Variants in HBP1 observed in about 807,000 individuals in gnomAD.
HBP1 encodes HMG-box transcription factor 1.
A neutral mutation model predicts 62.6 loss-of-function variants in HBP1; 20 were observed. That is an observed-to-expected ratio of 0.32 (90% CI 0.22 to 0.46). The LOEUF (loss-of-function observed/expected upper bound fraction) is 0.46, where lower values mean the gene tolerates loss of function less well. HBP1 is among the 20% of genes least tolerant of loss of function. The pLI, the probability that HBP1 is intolerant of heterozygous loss-of-function variation, is 1.00. For synonymous variants in HBP1, 232 were observed against 206.2 expected (o/e 1.12, Z -1.07); for missense variants, 480 against 611.8 (o/e 0.78, Z 2.27).
In HBP1 at chr7:107,169,028, G is replaced by A. The variant is rs1350768196; in HGVS notation, c.-173G>A. On this transcript the variant is annotated 5_prime_UTR_variant, in exon 1 of 11. Coordinates refer to ENST00000222574, the MANE Select transcript of HBP1 (RefSeq NM_012257.4). ...AGACTTGGTAATGGCGACGGGTTTGGTAAGTAGGAAAGTTTCGGTTGAGGA... is the reference window on the plus strand; with the variant it reads ...AGACTTGGTAATGGCGACGGGTTTGATAAGTAGGAAAGTTTCGGTTGAGGA... The A allele has an allele frequency of 1.6e-6, 2 of 1,289,128 alleles. No individual in the cohort carries two copies. Among genetic ancestry groups the A allele is most frequent in the Admixed American group, 4.6e-5 (2 of 43,482 alleles). The allele number at this position is 1,289,128 out of a possible 1,614,324, so 79.9% of individuals were successfully genotyped here.
intron 1 of HBP1, 29 bp downstream of exon 1, chr7:107,169,214 T>TG (rs1796423802): frequency 4.2e-5 from 1 of 23,992 alleles, no homozygotes; most frequent in Non-Finnish European, 5.3e-5. Flanking sequence ...AGGGAAGAGG[T>TG]GGGGGTGGGG....
chr7:107,174,514 C>T (rs1461120024), intron 1 of HBP1: 3 of 984,790 alleles, frequency 3.0e-6, no homozygotes, highest in Admixed American at 6.2e-5. Flanking sequence ...TGCAAAGAGA[C>T]GTTAGTGTAC....
In HBP1 at chr7:107,189,364, T is replaced by G. The variant is rs200723356; in HGVS notation, c.838T>G (p.Leu280Val). 1.7e-5 allele frequency: 28 copies of G among 1,612,488 alleles called. No homozygotes were observed. The highest frequency in any genetic ancestry group is 2.2e-5 in the Non-Finnish European group (26 of 1,178,674). ...ATCATTTGGCGAGTCTGTACTGAAG[T>G]TGACTTTTGATCCTGGTACAGTAGA... The part of the protein sequence containing the change: ...SVSFGESVLK[L>V]TFDPGTVEDG... Residue 280 changes from leucine to valine, a missense_variant, in exon 7 of 11, where the codon TTG becomes GTG. Around this residue, in one of 4 missense-constraint regions of HBP1, gnomAD observed 304 missense variants for 330.9 expected, o/e 0.92. Transcript: ENST00000222574.
intron 9 of HBP1, among the ~76,000 whole-genome samples, chr7:107,198,900 TAAA>T (rs1164572978): frequency 1.3e-5 from 2 of 152,070 alleles, no homozygotes; most frequent in East Asian, 3.9e-4. Flanking sequence ...CTTAAAATAA[TAAA>T]TGTTTCGCAA....
chr7:107,179,785 A>C (rs1233214850), intron 1 of HBP1, 94 bp from the exon 2 acceptor site: 5 of 794,368 alleles, frequency 6.3e-6, no homozygotes, highest in Non-Finnish European at 9.9e-6. Flanking sequence ...AAAAAAACAA[A>C]ACAACATTGT....
rs777697739 is a variant in HBP1, at chr7:107,200,205, T to C, written c.1431T>C (p.Asn477=). The C allele has an allele frequency of 3.1e-6, 5 of 1,610,108 alleles. No individual in the cohort carries two copies. In the South Asian group the frequency reaches 4.4e-5, roughly 14 times the overall value. The change falls in exon 10 of 11, where the codon AAT becomes AAC. Residue 477 remains asparagine (N), a synonymous_variant. Transcript: ENST00000222574. ...GTGACAGGTGGAAGAAAATGAAGAA[T>C]GAAGAGAGAAGAATGTACACATTAG... ...ILGDRWKKMK[N]EERRMYTLEA...
At chr7:107,199,281 C>T (rs1401600937) in intron 9 of HBP1, among the ~76,000 whole-genome samples, 1 of 152,090 alleles carries the variant, frequency 6.6e-6, no homozygotes, top group Non-Finnish European at 1.5e-5. Flanking sequence ...GGGGTTTCAC[C>T]ATGTCGGCCA....
At chr7:107,184,762 G>C (rs1797276068) in intron 3 of HBP1, among the ~76,000 whole-genome samples, 1 of 152,136 alleles carries the variant, frequency 6.6e-6, no homozygotes, top group Admixed American at 6.6e-5. Context: ...CGCTTGCCTT[G>C]GCCTCCCAAA....
chr7:107,192,489 GGA>G (rs1290706720), intron 8 of HBP1: 2 of 152,078 alleles, frequency 1.3e-5, no homozygotes, highest in African/African-American at 4.8e-5. Flanking sequence ...TTAACATTCA[GGA>G]GAGTGGTTAT....
chr7:107,182,934 T>G (rs1288311567), intron 3 of HBP1, among the ~76,000 whole-genome samples: 1 of 152,228 alleles, frequency 6.6e-6, no homozygotes, highest in Non-Finnish European at 1.5e-5. Flanking sequence ...TAATCAAGAT[T>G]ATATTTTAAA....
chr7:107,187,217 C>T (rs1277488543), intron 6 of HBP1, among the ~76,000 whole-genome samples: 1 of 152,056 alleles, frequency 6.6e-6, no homozygotes, highest in Non-Finnish European at 1.5e-5. Context: ...TGCGCCACTG[C>T]ACTCTAGCCT....
rs752989307 is a variant in HBP1, at chr7:107,201,479, C to T, written c.*48C>T. On this transcript the variant is annotated 3_prime_UTR_variant, in exon 11 of 11. Transcript: ENST00000222574. The stretch of plus-strand genomic sequence containing the variant: ...GTCTATATTTGCATATACATTGACT[C>T]TTGATGGAAAGACTTAAGAAGATCA... 2.4e-6 allele frequency: 3 copies of T among 1,250,554 alleles called. No individual in the cohort carries two copies. The highest frequency in any genetic ancestry group is 3.5e-6 in the Non-Finnish European group (3 of 854,794). The allele number at this position is 1,250,554 out of a possible 1,614,324, so 77.5% of individuals were successfully genotyped here.
At chr7:107,174,953 A>C (rs1192575149) in intron 1 of HBP1, among the ~76,000 whole-genome samples, 3 of 152,176 alleles carry the variant, frequency 2.0e-5, no homozygotes, top group African/African-American at 7.2e-5. Flanking sequence ...TAAAGAACTC[A>C]CATAGTATGA....
rs1000038820 is a variant in HBP1 at position 107,201,574 on chromosome 7, A to AATAAT, written c.*146_*150dup. 64 of 473,554 alleles carry AATAAT rather than the reference A, an allele frequency of 1.4e-4. No individual in the cohort carries two copies. In the Admixed American group the frequency reaches 1.7e-3, roughly 13 times the overall value. 29.3% of individuals were successfully genotyped at this position (473,554 alleles called of 1,614,324 possible). ...ATAGCATTGAGTCTTGAAATGATTT[A>AATAAT]ATAATATGAGTGAGGATTTGCTTTC... On this transcript the variant is annotated 3_prime_UTR_variant, in exon 11 of 11. Transcript: ENST00000222574.
chr7:107,171,073 A>ATATATTTTTTTTTTTT lies in HBP1; in HGVS notation c.-16+1889_-16+1890insATATTTTTTTTTTTTT. On this transcript the variant is annotated intron_variant, in intron 1 of 10. Coordinates refer to ENST00000222574, the MANE Select transcript of HBP1 (RefSeq NM_012257.4). ...TATATATATATATATATATATATAT[A>ATATATTTTTTTTTTTT]TTTTTTTTTTTTTTTGAGAGGGAGT... Among the ~76,000 whole-genome samples, 66 of 87,190 alleles carry ATATATTTTTTTTTTTT rather than the reference A, an allele frequency of 7.6e-4. 5 individuals are homozygous for ATATATTTTTTTTTTTT. The highest frequency in any genetic ancestry group is 1.3e-3 in the Admixed American group (9 of 6,854). The allele number at this position is 87,190 out of a possible 152,430, so 57.2% of individuals were successfully genotyped here.
intron 1 of HBP1, among the ~76,000 whole-genome samples, chr7:107,173,832 G>C (rs1796716625): frequency 6.6e-6 from 1 of 152,186 alleles, no homozygotes; most frequent in African/African-American, 2.4e-5. Flanking sequence ...CATGTGCAGA[G>C]TTAACTAAAA....
chr7:107,196,054 TCTC>T lies in HBP1; in HGVS notation c.1291_1293del (p.Pro431del), dbSNP rs766911078. 15 of 1,613,478 alleles carry T rather than the reference TCTC, an allele frequency of 9.3e-6. No homozygotes were observed. The highest frequency in any genetic ancestry group is 5.5e-5 in the South Asian group (5 of 91,078). On this transcript the variant is annotated inframe_deletion, in exon 9 of 11. Coordinates refer to ENST00000222574, the MANE Select transcript of HBP1 (RefSeq NM_012257.4). The stretch of plus-strand genomic sequence containing the variant: ...CAGCTCAGGGACTGTGAGTGCCACT[TCTC>T]CTAATAAGTGCAAAAGACCAATGAA...
chr7:107,186,345 AT>A lies in HBP1; in HGVS notation c.541-15del, dbSNP rs1797374314. The A allele has an allele frequency of 1.4e-6, 2 of 1,436,964 alleles. No individual in the cohort carries two copies. Among genetic ancestry groups the A allele is most frequent in the South Asian group, 2.4e-5 (2 of 83,282 alleles). 89.0% of individuals were successfully genotyped at this position (1,436,964 alleles called of 1,614,324 possible). ...TTAAAAACAAATAAAAAAGTTGATA[AT>A]ATTTTTCTCCATAGGCAAATAGTGA... On this transcript the variant is annotated splice_polypyrimidine_tract_variant and intron_variant, in intron 4 of 10. Transcript: ENST00000222574.
chr7:107,177,521 A>G (rs953174405), intron 1 of HBP1, among the ~76,000 whole-genome samples: 2 of 152,238 alleles, frequency 1.3e-5, no homozygotes, highest in Non-Finnish European at 2.9e-5. Context: ...ATCAGATGTA[A>G]GCAAATACTT....
Sources: gnomAD v4.1 joint callset for allele counts (sites outside exome capture counted in the v4.1 genomes callset) on GRCh38, gnomAD v4.1.1 for gene constraint, gnomAD v4.1.1 regional missense constraint, MANE v1.5 for transcripts, NCBI Gene and HGNC (gene_info 2026-07-23, HGNC 2026-07-21) for gene names.